C5orf34: variants seen among roughly 807,000 people sequenced by gnomAD.
C5orf34 encodes the protein uncharacterized protein C5orf34.
C5orf34 carries 73 observed loss-of-function variants against 78.4 expected under a neutral mutation model. The ratio of observed to expected loss-of-function variants is 0.93; its 90% CI spans 0.77 to 1.13. The LOEUF (loss-of-function observed/expected upper bound fraction) is 1.13, where lower values mean the gene tolerates loss of function less well. Ranked by LOEUF, C5orf34 falls within the 50% of genes most tolerant of loss-of-function variation. The pLI is 0.00. For synonymous variants in C5orf34, 251 were observed against 246.6 expected (o/e 1.02, Z -0.17); for missense variants, 730 against 732.7 (o/e 1.00, Z 0.04).
Position 43,495,310 on chromosome 5 carries a change from A to G in C5orf34, c.1153-709T>C, listed in dbSNP as rs1745457282. On this transcript the variant is annotated intron_variant, in intron 6 of 12. Transcript: ENST00000306862. ...TAGGGCCATCTTCCAGCTTTTTACC[A>G]GAACCGCGATCAATCTTTTCCTTCA... is the stretch of plus-strand genomic sequence containing the variant. 2.5e-6 allele frequency: 4 copies of G among 1,611,332 alleles called. No individual in the cohort carries two copies. In the African/African-American group the frequency reaches 5.3e-5, roughly 21 times the overall value.
chr5:43,494,421 C>T (rs1278757339), intron 7 of C5orf34, 89 bp downstream of exon 7: 1 of 791,724 alleles, frequency 1.3e-6, no homozygotes, highest in African/African-American at 1.8e-5. Context: ...TTGTACCTGC[C>T]AATTCTTAAT....
intron 11 of C5orf34, 80 bp from the exon 12 acceptor site, chr5:43,488,029 T>C (rs1188777724): frequency 1.8e-5 from 18 of 1,000,030 alleles, no homozygotes; most frequent in Non-Finnish European, 2.5e-5. Context: ...CATACCTGAC[T>C]TTTTTTTTCA....
chr5:43,502,711 A>C (rs1745817014), intron 5 of C5orf34, among the ~76,000 whole-genome samples: 1 of 152,232 alleles, frequency 6.6e-6, no homozygotes, highest in African/African-American at 2.4e-5. Flanking sequence ...CATTTATTTC[A>C]ACAACTAAAC....
intron 5 of C5orf34, among the ~76,000 whole-genome samples, 159 bp downstream of exon 5, chr5:43,503,506 T>C (rs539698790): frequency 1.3e-5 from 2 of 152,304 alleles, no homozygotes; most frequent in East Asian, 3.9e-4. Context: ...TAACATTAGT[T>C]TTGAGACCTG....
Position 43,505,747 on chromosome 5 carries a change from C to T in C5orf34, c.932+1G>A, listed in dbSNP as rs374482424. On this transcript the variant is annotated splice_donor_variant, in intron 4 of 12. Coordinates refer to ENST00000306862, the MANE Select transcript of C5orf34 (RefSeq NM_198566.4). LOFTEE classifies it high-confidence loss of function. ...ATGACCAATAGCCATTACTGCATTA[C>T]CTGTGTAGGTGTGGGACTGGACAGC... The T allele has an allele frequency of 6.5e-7, 1 of 1,547,602 alleles. No homozygotes were observed. Among genetic ancestry groups the T allele is most frequent in the African/African-American group, 1.4e-5 (1 of 72,494 alleles).
intron 6 of C5orf34, among the ~76,000 whole-genome samples, chr5:43,499,375 C>A (rs1353590487): frequency 6.6e-6 from 1 of 152,192 alleles, no homozygotes; most frequent in African/African-American, 2.4e-5. Flanking sequence ...GAGCCTCAAA[C>A]ACTGGGTCTG....
intron 7 of C5orf34, 106 bp downstream of exon 7, chr5:43,494,404 A>G: frequency 1.6e-6 from 1 of 619,750 alleles, no homozygotes; most frequent in East Asian, 3.0e-5. Flanking sequence ...GAAGGCATAT[A>G]TTTCCATTGT....
chr5:43,512,603 G>T (rs1746316836), intron 1 of C5orf34, among the ~76,000 whole-genome samples: 1 of 151,826 alleles, frequency 6.6e-6, no homozygotes, highest in African/African-American at 2.4e-5. Flanking sequence ...CCCTAACATT[G>T]GGCTGCCACA....
intron 1 of C5orf34, among the ~76,000 whole-genome samples, chr5:43,511,500 C>T (rs1405074351): frequency 6.6e-6 from 1 of 152,190 alleles, no homozygotes; most frequent in African/African-American, 2.4e-5. Context: ...AGGAGCCCCT[C>T]TGCCCGGCCG....
At chr5:43,507,202 GTTGA>G (rs1746018843) in intron 3 of C5orf34, among the ~76,000 whole-genome samples, 1 of 152,188 alleles carries the variant, frequency 6.6e-6, no homozygotes. Flanking sequence ...AAGTAACAGT[GTTGA>G]TTGTGACTTT....
intron 1 of C5orf34, among the ~76,000 whole-genome samples, chr5:43,511,941 C>T (rs918613266): frequency 1.3e-5 from 2 of 151,668 alleles, no homozygotes; most frequent in African/African-American, 2.4e-5. Flanking sequence ...CTTTGTTCAC[C>T]TGTTTATCTG....
chr5:43,502,253 C>A (rs1441094569), intron 6 of C5orf34, 119 bp downstream of exon 6: 3 of 954,444 alleles, frequency 3.1e-6, no homozygotes, highest in Non-Finnish European at 4.8e-6. Context: ...ATTAATACTC[C>A]AGACTGGGGA....
chr5:43,510,933 G>A lies in C5orf34; in HGVS notation c.-36-1558C>T, dbSNP rs187279001. ...TGGGATGTGAGGAGCCCCTCTGCCC[G>A]ACTGCCCAGTCTGGGAAGTGAAGAG... On this transcript the variant is annotated intron_variant, in intron 1 of 12. Transcript: ENST00000306862. 861 of 197,360 alleles carry A rather than the reference G, an allele frequency of 4.4e-3. 11 individuals are homozygous for A. Among genetic ancestry groups the A allele is most frequent in the African/African-American group, 0.019 (806 of 41,816 alleles). 12.2% of individuals were successfully genotyped at this position (197,360 alleles called of 1,614,324 possible). A position where few individuals can be genotyped will look rare whatever the true frequency, so the allele number is the denominator to read the frequency against.
At chr5:43,496,426 A>C (rs1745524850) in intron 6 of C5orf34, 1 of 1,592,824 alleles carries the variant, frequency 6.3e-7, no homozygotes, top group Admixed American at 1.7e-5. Flanking sequence ...AATGACGACA[A>C]TGTTGATATG....
chr5:43,506,766 A>G (rs549820213), intron 3 of C5orf34, among the ~76,000 whole-genome samples: 3 of 152,230 alleles, frequency 2.0e-5, no homozygotes, highest in African/African-American at 7.2e-5. Context: ...GACCAACACT[A>G]TGATACATTA....
chr5:43,505,209 C>T (rs1745928888), intron 4 of C5orf34, among the ~76,000 whole-genome samples: 1 of 152,176 alleles, frequency 6.6e-6, no homozygotes, highest in African/African-American at 2.4e-5. Flanking sequence ...TTATACTTAG[C>T]CTTACAGAAG....
intron 2 of C5orf34, 149 bp from the exon 3 acceptor site, chr5:43,508,815 C>T: frequency 1.6e-6 from 1 of 639,464 alleles, no homozygotes; most frequent in Non-Finnish European, 2.7e-6. Flanking sequence ...TAGTTTTGGC[C>T]AGGCACGGTG....
At chr5:43,498,069 C>T (rs1204839959) in intron 6 of C5orf34, among the ~76,000 whole-genome samples, 1 of 152,168 alleles carries the variant, frequency 6.6e-6, no homozygotes, top group African/African-American at 2.4e-5. Flanking sequence ...TCCCTCTAAT[C>T]CTGCCTCTTG....
intron 2 of C5orf34, 57 bp downstream of exon 2, chr5:43,509,088 G>A (rs1746110686): frequency 4.3e-6 from 6 of 1,410,114 alleles, no homozygotes; most frequent in Non-Finnish European, 5.9e-6. Flanking sequence ...CTGGGTGACA[G>A]AGCAAGAACC....
Sources: gnomAD v4.1 joint callset for allele counts (sites outside exome capture counted in the v4.1 genomes callset) on GRCh38, gnomAD v4.1.1 for gene constraint, MANE v1.5 for transcripts, NCBI Gene and HGNC (gene_info 2026-07-23, HGNC 2026-07-21) for gene names.